NPAS3: variants seen among roughly 807,000 people sequenced by gnomAD.
NPAS3 encodes neuronal PAS domain-containing protein 3.
NPAS3 carries 14 observed loss-of-function variants against 73.1 expected under a neutral mutation model. The observed-to-expected ratio is 0.19, with a 90% CI of 0.13 to 0.30. NPAS3 has a LOEUF of 0.30. NPAS3 is among the 10% of genes least tolerant of loss of function. NPAS3 has a pLI of 1.00. For synonymous variants in NPAS3, 620 were observed against 541.5 expected, an observed-to-expected ratio of 1.14 and a Z score of -2.01; for missense variants, 1,096 against 1,250.0, an observed-to-expected ratio of 0.88 and a Z score of 1.86.
At chr14:33,518,954 T>C (rs1452168300) in intron 4 of NPAS3, among the ~76,000 whole-genome samples, 1 of 152,166 alleles carries the variant, frequency 6.6e-6, no homozygotes, top group Non-Finnish European at 1.5e-5. Context: ...AAGGAATGAA[T>C]GAGTAAATTA....
chr14:33,264,173 C>CA (rs1340585079), intron 3 of NPAS3, among the ~76,000 whole-genome samples: 7 of 150,462 alleles, frequency 4.7e-5, no homozygotes, highest in South Asian at 4.2e-4. Context: ...ATTGCAAGGA[C>CA]AAAAAACCAA....
chr14:33,308,559 C>CACACACACAT (rs1235428200), intron 3 of NPAS3, among the ~76,000 whole-genome samples: 8 of 60,670 alleles, frequency 1.3e-4, no homozygotes, highest in African/African-American at 8.0e-4. Context: ...CACACACATA[C>CACACACACAT]ATACATTATA....
chr14:33,250,782 T>C (rs1434813763), intron 3 of NPAS3, among the ~76,000 whole-genome samples: 1 of 152,084 alleles, frequency 6.6e-6, no homozygotes, highest in Non-Finnish European at 1.5e-5. Flanking sequence ...ATGTTTGAAG[T>C]ATAGGAATGA....
intron 1 of NPAS3, among the ~76,000 whole-genome samples, chr14:32,989,761 G>A (rs576596392): frequency 6.6e-6 from 1 of 152,344 alleles, no homozygotes; most frequent in East Asian, 1.9e-4. Context: ...ATTGAATTAA[G>A]CTGAAACAAA....
intron 2 of NPAS3, among the ~76,000 whole-genome samples, chr14:33,095,719 A>AGT (rs1314248992): frequency 3.1e-5 from 4 of 128,948 alleles, no homozygotes; most frequent in Admixed American, 9.5e-5. Flanking sequence ...CCCAGGCTGG[A>AGT]GTGCAGTGGC....
intron 3 of NPAS3, among the ~76,000 whole-genome samples, chr14:33,275,132 A>G (rs1476759095): frequency 6.6e-6 from 1 of 152,190 alleles, no homozygotes; most frequent in African/African-American, 2.4e-5. Context: ...AAGTATAGCT[A>G]CAAAAGGGAG....
At chr14:33,503,507 G>T (rs1000031800) in intron 4 of NPAS3, among the ~76,000 whole-genome samples, 1 of 151,834 alleles carries the variant, frequency 6.6e-6, no homozygotes, top group Non-Finnish European at 1.5e-5. Flanking sequence ...ATTCCACAGC[G>T]CCAGTGTGCT....
intron 2 of NPAS3, among the ~76,000 whole-genome samples, chr14:33,082,335 A>G (rs939635272): frequency 6.6e-6 from 1 of 152,208 alleles, no homozygotes; most frequent in South Asian, 2.1e-4. Flanking sequence ...AGGTAAAGTT[A>G]AGGTGACTTT....
At chr14:33,580,598 G>C (rs2056625645) in intron 5 of NPAS3, among the ~76,000 whole-genome samples, 2 of 152,100 alleles carry the variant, frequency 1.3e-5, no homozygotes, top group African/African-American at 4.8e-5. Context: ...TGCAGAACCA[G>C]GTGTGGTTGC....
At chr14:33,273,253 C>A (rs2041179215) in intron 3 of NPAS3, among the ~76,000 whole-genome samples, 1 of 152,200 alleles carries the variant, frequency 6.6e-6, no homozygotes. Flanking sequence ...TCTCTTGGCA[C>A]TTTCTTCCTT....
At chr14:33,620,917 C>T (rs940012706) in intron 5 of NPAS3, among the ~76,000 whole-genome samples, 1 of 152,076 alleles carries the variant, frequency 6.6e-6, no homozygotes, top group Admixed American at 6.6e-5. Flanking sequence ...CTAAAGCTAA[C>T]GTGTGGTTAT....
intron 6 of NPAS3, among the ~76,000 whole-genome samples, chr14:33,690,185 G>T (rs976159999): frequency 6.6e-6 from 1 of 152,170 alleles, no homozygotes; most frequent in African/African-American, 2.4e-5. Context: ...GTTCCGGTCT[G>T]TGCTGGAGAA....
At chr14:33,074,248 A>G (rs2138669982) in intron 2 of NPAS3, among the ~76,000 whole-genome samples, 1 of 152,350 alleles carries the variant, frequency 6.6e-6, no homozygotes, top group East Asian at 1.9e-4. Context: ...CCTACTATAT[A>G]GGAAACAAAT....
intron 2 of NPAS3, among the ~76,000 whole-genome samples, chr14:33,134,999 A>C (rs1289562944): frequency 6.6e-6 from 1 of 152,146 alleles, no homozygotes; most frequent in Admixed American, 6.5e-5. Context: ...TATTGGTTAT[A>C]AAGCTAGTGC....
At chr14:33,733,977 G>T (rs2061462262) in intron 6 of NPAS3, among the ~76,000 whole-genome samples, 1 of 150,828 alleles carries the variant, frequency 6.6e-6, no homozygotes, top group Non-Finnish European at 1.5e-5. Flanking sequence ...TGAGCACCAA[G>T]TTTAATATGA....
intron 6 of NPAS3, among the ~76,000 whole-genome samples, chr14:33,717,019 C>G (rs1008108496): frequency 6.6e-6 from 1 of 151,848 alleles, no homozygotes; most frequent in African/African-American, 2.4e-5. Flanking sequence ...GTTTTGAAAG[C>G]AGGTTTCTGT....
chr14:33,440,249 G>A (rs1275926322), intron 4 of NPAS3, among the ~76,000 whole-genome samples: 1 of 152,132 alleles, frequency 6.6e-6, no homozygotes, highest in African/African-American at 2.4e-5. Context: ...CCTGATTCAA[G>A]GTACTTGTCA....
At chr14:32,963,649 C>G (rs1234436682) in intron 1 of NPAS3, among the ~76,000 whole-genome samples, 2 of 152,174 alleles carry the variant, frequency 1.3e-5, no homozygotes, top group Non-Finnish European at 2.9e-5. Flanking sequence ...TCATTAGTGC[C>G]ATGATCGACT....
chr14:33,484,815 G>A (rs1266268700), intron 4 of NPAS3, among the ~76,000 whole-genome samples: 1 of 152,112 alleles, frequency 6.6e-6, no homozygotes, highest in African/African-American at 2.4e-5. Context: ...AAAGTCCAGG[G>A]ACTTTAAAGC....
Sources: allele counts gnomAD v4.1 joint callset (sites outside exome capture counted in the v4.1 genomes callset), GRCh38; gene constraint gnomAD v4.1.1; transcripts MANE v1.5; gene names NCBI Gene and HGNC (gene_info 2026-07-23, HGNC 2026-07-21).